The following RANBP17 variants were observed in gnomAD, a reference collection of about 807,000 sequenced individuals.
RANBP17 encodes the protein RAN binding protein 17, also known as ran-binding protein 17.
Under a neutral mutation model 141.2 loss-of-function variants are expected in RANBP17, and 158 were observed. That is an observed-to-expected ratio of 1.12 (90% confidence interval 0.98 to 1.28). The LOEUF (loss-of-function observed/expected upper bound fraction) is 1.28, where lower values mean the gene tolerates loss of function less well. Among genes scored for constraint, RANBP17 ranks in the 50% most tolerant of loss-of-function variants. The pLI is 0.00. For synonymous variants in RANBP17, 430 were observed against 450.0 expected, an observed-to-expected ratio of 0.96 and a Z score of 0.56; for missense variants, 1,438 against 1,290.7, an observed-to-expected ratio of 1.11 and a Z score of -1.75.
intron 13 of RANBP17, among the ~76,000 whole-genome samples, chr5:170,962,078 C>G (rs3849709): frequency 1.3e-5 from 2 of 152,092 alleles, no homozygotes; most frequent in South Asian, 2.1e-4. Context: ...AGTGTAACAA[C>G]AAGATGGAAG....
chr5:171,275,485 A>T (rs1410495343), intron 25 of RANBP17, among the ~76,000 whole-genome samples: 1 of 152,178 alleles, frequency 6.6e-6, no homozygotes, highest in Admixed American at 6.5e-5. Context: ...CTATTACCAC[A>T]TAGGAATTCC....
At chr5:171,205,390 G>A in intron 19 of RANBP17, 134 bp from the exon 20 acceptor site, 2 of 669,992 alleles carry the variant, frequency 3.0e-6, no homozygotes, top group Non-Finnish European at 5.2e-6. Flanking sequence ...GTGCTTTTCT[G>A]TAGAAAGAGG....
At chr5:171,229,451 A>G (rs918477491) in intron 22 of RANBP17, among the ~76,000 whole-genome samples, 2 of 151,852 alleles carry the variant, frequency 1.3e-5, no homozygotes, top group East Asian at 2.0e-4. Flanking sequence ...CTGGAGTGCA[A>G]TGGCACGATC....
chr5:170,998,260 A>G (rs76018449), intron 14 of RANBP17, among the ~76,000 whole-genome samples: 4,041 of 152,238 alleles, frequency 0.027, 176 homozygotes, highest in African/African-American at 0.091. Flanking sequence ...ATGTGTGTAG[A>G]TTTTTGAATA....
chr5:170,992,524 A>T (rs1416946687), intron 14 of RANBP17, among the ~76,000 whole-genome samples: 1 of 152,094 alleles, frequency 6.6e-6, no homozygotes, highest in Non-Finnish European at 1.5e-5. Flanking sequence ...TAACAGAATT[A>T]TGAATGCTAA....
intron 12 of RANBP17, among the ~76,000 whole-genome samples, chr5:170,938,898 T>C (rs1248793074): frequency 2.6e-5 from 4 of 152,168 alleles, no homozygotes; most frequent in Admixed American, 2.6e-4. Flanking sequence ...ATTCTGAGAA[T>C]TTTTTTGACT....
intron 14 of RANBP17, among the ~76,000 whole-genome samples, chr5:171,101,995 C>T (rs533903416): frequency 6.6e-6 from 1 of 152,288 alleles, no homozygotes; most frequent in East Asian, 1.9e-4. Context: ...TTGTGGGTAA[C>T]CCAACCTTTC....
At chr5:171,252,483 C>T (rs1295933996) in intron 24 of RANBP17, 9 of 1,453,766 alleles carry the variant, frequency 6.2e-6, no homozygotes, top group Admixed American at 3.4e-5. Flanking sequence ...ACACAGAAAC[C>T]CTATGCAGTG....
intron 14 of RANBP17, among the ~76,000 whole-genome samples, chr5:171,060,264 C>A (rs1287998495): frequency 6.6e-5 from 8 of 121,472 alleles, no homozygotes; most frequent in Non-Finnish European, 1.1e-4. Flanking sequence ...GGAATGCTCC[C>A]AGTTTTTGCC....
intron 14 of RANBP17, among the ~76,000 whole-genome samples, chr5:170,984,150 C>T (rs992709991): frequency 6.6e-6 from 1 of 152,082 alleles, no homozygotes; most frequent in South Asian, 2.1e-4. Flanking sequence ...TGCAGCCTAC[C>T]TTGTGTCTAG....
chr5:171,072,503 A>G (rs752513989), intron 14 of RANBP17, among the ~76,000 whole-genome samples: 1 of 152,164 alleles, frequency 6.6e-6, no homozygotes, highest in East Asian at 1.9e-4. Context: ...AAGAAGATAT[A>G]TGGATGGCAA....
At chr5:171,236,361 C>T (rs1014398361) in intron 22 of RANBP17, among the ~76,000 whole-genome samples, 1 of 152,082 alleles carries the variant, frequency 6.6e-6, no homozygotes, top group African/African-American at 2.4e-5. Flanking sequence ...TAAGATACTA[C>T]GGTGGTATAT....
intron 14 of RANBP17, among the ~76,000 whole-genome samples, chr5:171,011,600 A>G (rs998716341): frequency 6.6e-6 from 1 of 152,054 alleles, no homozygotes. Flanking sequence ...CTACATCTAT[A>G]TATACATTTA....
At chr5:171,265,022 A>G (rs1169598698) in intron 24 of RANBP17, among the ~76,000 whole-genome samples, 2 of 152,206 alleles carry the variant, frequency 1.3e-5, no homozygotes, top group African/African-American at 4.8e-5. Context: ...CTTGCACACT[A>G]AACCATGAGT....
At chr5:171,123,112 C>T (rs1561677346) in intron 14 of RANBP17, among the ~76,000 whole-genome samples, 2 of 152,320 alleles carry the variant, frequency 1.3e-5, no homozygotes. Context: ...CTGCCATATA[C>T]AGTAACCCTG....
chr5:170,902,253 C>T (rs1581101966), intron 5 of RANBP17, among the ~76,000 whole-genome samples: 1 of 152,102 alleles, frequency 6.6e-6, no homozygotes, highest in East Asian at 1.9e-4. Flanking sequence ...CTTGTCTTCA[C>T]ACTTTATTTC....
At chr5:170,939,714 T>A (rs1248131194) in intron 12 of RANBP17, among the ~76,000 whole-genome samples, 1 of 152,116 alleles carries the variant, frequency 6.6e-6, no homozygotes, top group Non-Finnish European at 1.5e-5. Context: ...ACATTCATAG[T>A]CTGTACAAAA....
intron 14 of RANBP17, among the ~76,000 whole-genome samples, chr5:171,156,710 C>T (rs1387644015): frequency 6.6e-6 from 1 of 152,100 alleles, no homozygotes; most frequent in Non-Finnish European, 1.5e-5. Flanking sequence ...ATTGCCTTGC[C>T]GCACTGCAGT....
chr5:171,297,095 G>T (rs2128047404), intron 27 of RANBP17, among the ~76,000 whole-genome samples: 1 of 152,220 alleles, frequency 6.6e-6, no homozygotes. Context: ...ATGGCACCTG[G>T]GACCTATGAC....
Sources: gnomAD v4.1 joint callset for allele counts (sites outside exome capture counted in the v4.1 genomes callset) on GRCh38, gnomAD v4.1.1 for gene constraint, MANE v1.5 for transcripts, NCBI Gene and HGNC (gene_info 2026-07-23, HGNC 2026-07-21) for gene names.